The following SCG5 variants were observed in gnomAD, a reference collection of about 807,000 sequenced individuals.
The protein encoded by SCG5 is neuroendocrine protein 7B2.
Under a neutral mutation model 25.7 loss-of-function variants are expected in SCG5, and 18 were observed. That is an observed-to-expected ratio of 0.70 (90% CI 0.48 to 1.04). SCG5 has a LOEUF of 1.04. Among genes scored for constraint, SCG5 ranks in the 50% least tolerant of loss-of-function variants. The pLI, the probability that SCG5 is intolerant of heterozygous loss-of-function variation, is 0.00. For synonymous variants in SCG5, 101 were observed against 91.7 expected (o/e 1.10, Z -0.58); for missense variants, 206 against 259.8 (o/e 0.79, Z 1.42).
chr15:32,668,570 G>A (rs921206509), intron 2 of SCG5, among the ~76,000 whole-genome samples: 12 of 152,216 alleles, frequency 7.9e-5, no homozygotes, highest in Non-Finnish European at 1.6e-4. Flanking sequence ...TGGGCACAGC[G>A]CTGCCAGGCC....
At chr15:32,680,443 C>T (rs558909107) in intron 3 of SCG5, among the ~76,000 whole-genome samples, 1 of 152,122 alleles carries the variant, frequency 6.6e-6, no homozygotes, top group African/African-American at 2.4e-5. Flanking sequence ...CATGATCCAC[C>T]CTCCTCGGCC....
chr15:32,646,066 C>A (rs1036810372), intron 2 of SCG5, among the ~76,000 whole-genome samples: 1 of 152,146 alleles, frequency 6.6e-6, no homozygotes, highest in Non-Finnish European at 1.5e-5. Context: ...CCGCCTGCCT[C>A]GGCCTCCCAG....
chr15:32,684,576 A>G lies in SCG5; in HGVS notation c.396A>G (p.Glu132=), dbSNP rs1405724491. 6.2e-7 allele frequency: 1 copy of G among 1,613,108 alleles called. No homozygotes were observed. Among genetic ancestry groups the G allele is most frequent in the Non-Finnish European group, 8.5e-7 (1 of 1,179,334 alleles). Reference sequence around the variant, plus strand: ...TTGCAGCAGATGATGGATGTCTAGAAAACACCCCTGACACTGCAGAGTTCA... The same window carrying G: ...TTGCAGCAGATGATGGATGTCTAGAGAACACCCCTGACACTGCAGAGTTCA... ...VGKTADDGCL[E]NTPDTAEFSR... The change falls in exon 4 of 6, where the codon GAA becomes GAG. Residue 132 remains glutamate, a synonymous_variant. Transcript: ENST00000300175.
At position 32,657,209 on chromosome 15, in the gene SCG5, A is replaced by ATATATATATATATATATATATATATG; in HGVS notation, c.226+13394_226+13395insATATATATATATATATATATATGTAT. Among the ~76,000 whole-genome samples the ATATATATATATATATATATATATATG allele has an allele frequency of 6.0e-3, 231 of 38,686 alleles. 60 individuals carry two copies. The highest frequency in any genetic ancestry group is 0.02 in the South Asian group (15 of 764). The allele number at this position is 38,686 out of a possible 152,430, so 25.4% of individuals were successfully genotyped here. A position where few individuals can be genotyped will look rare whatever the true frequency, so the allele number is the denominator to read the frequency against. On this transcript the variant is annotated intron_variant, in intron 2 of 5. Coordinates refer to ENST00000300175, the MANE Select transcript of SCG5 (RefSeq NM_001144757.3). ...TTCTTTCATCCTCCTGTATATATATATATGTATGTATTTCCAGGTGTAAGT... is the reference window on the plus strand; with the variant it reads ...TTCTTTCATCCTCCTGTATATATATATATATATATATATATATATATATATGTATGTATGTATTTCCAGGTGTAAGT...
chr15:32,665,178 C>G (rs531054614), intron 2 of SCG5, among the ~76,000 whole-genome samples: 1 of 152,302 alleles, frequency 6.6e-6, no homozygotes, highest in South Asian at 2.1e-4. Context: ...ATTTATCCAT[C>G]AGGGCCACAT....
intron 4 of SCG5, among the ~76,000 whole-genome samples, chr15:32,691,197 T>C (rs189110674): frequency 5.9e-5 from 9 of 152,312 alleles, no homozygotes; most frequent in African/African-American, 2.2e-4. Context: ...AAAAATGTTA[T>C]AGACCAAATG....
chr15:32,657,742 T>C (rs1389248086), intron 2 of SCG5, among the ~76,000 whole-genome samples: 2 of 152,208 alleles, frequency 1.3e-5, no homozygotes, highest in Non-Finnish European at 2.9e-5. Context: ...TATCAAAATA[T>C]TATCTAATAC....
intron 2 of SCG5, among the ~76,000 whole-genome samples, chr15:32,677,110 G>T (rs1050002014): frequency 6.6e-6 from 1 of 152,078 alleles, no homozygotes. Flanking sequence ...GTTTACAAAA[G>T]AAATAGCATT....
chr15:32,662,112 A>G (rs1485298458), intron 2 of SCG5, among the ~76,000 whole-genome samples: 1 of 152,240 alleles, frequency 6.6e-6, no homozygotes, highest in African/African-American at 2.4e-5. Context: ...ATGGCCATTT[A>G]GAGTTTTTCC....
At chr15:32,670,657 T>C (rs2054404651) in intron 2 of SCG5, among the ~76,000 whole-genome samples, 1 of 152,256 alleles carries the variant, frequency 6.6e-6, no homozygotes. Context: ...CCGCTAGTGC[T>C]CATGATCTCT....
intron 4 of SCG5, among the ~76,000 whole-genome samples, chr15:32,687,520 T>C (rs540452882): frequency 3.9e-5 from 6 of 152,342 alleles, no homozygotes; most frequent in African/African-American, 1.4e-4. Context: ...AAGTGGGAAT[T>C]GAGTATGTCT....
intron 2 of SCG5, among the ~76,000 whole-genome samples, chr15:32,665,279 A>G (rs772457838): frequency 1.3e-5 from 2 of 151,900 alleles, no homozygotes; most frequent in African/African-American, 4.8e-5. Flanking sequence ...ATTTTTTTCT[A>G]TTTTTATTTT....
intron 2 of SCG5, among the ~76,000 whole-genome samples, chr15:32,667,048 T>G (rs944870764): frequency 1.3e-5 from 2 of 152,234 alleles, no homozygotes; most frequent in Non-Finnish European, 2.9e-5. Flanking sequence ...AAAAGTCTCT[T>G]TGGCAATTCT....
rs574572784 is a variant in SCG5 at position 32,654,888 on chromosome 15, C to A, written c.226+11070C>A. On this transcript the variant is annotated intron_variant, in intron 2 of 5. Coordinates refer to ENST00000300175, the MANE Select transcript of SCG5 (RefSeq NM_001144757.3). Reference sequence around the variant, plus strand: ...CAAGTGGGACTCGTGTTATTCCAGTCAAGATTATCCAGCCTTCGCAACATG... The same window carrying A: ...CAAGTGGGACTCGTGTTATTCCAGTAAAGATTATCCAGCCTTCGCAACATG... Among the ~76,000 whole-genome samples the A allele has an allele frequency of 1.2e-4, 19 of 152,190 alleles. 1 individual carries two copies. Among genetic ancestry groups the A allele is most frequent in the Non-Finnish European group, 2.4e-4 (16 of 68,040 alleles).
chr15:32,659,502 T>C (rs979204058), intron 2 of SCG5, among the ~76,000 whole-genome samples: 3 of 152,142 alleles, frequency 2.0e-5, no homozygotes, highest in East Asian at 1.9e-4. Context: ...AAAATAACCA[T>C]AGCAATAGGC....
intron 1 of SCG5, among the ~76,000 whole-genome samples, 186 bp downstream of exon 1, chr15:32,641,964 AGTT>A (rs538833884): frequency 3.3e-4 from 50 of 152,248 alleles, no homozygotes; most frequent in African/African-American, 1.2e-3. Context: ...GAGATTGTGT[AGTT>A]CATCAAATCA....
chr15:32,664,943 A>G (rs1375566632), intron 2 of SCG5, among the ~76,000 whole-genome samples: 1 of 152,244 alleles, frequency 6.6e-6, no homozygotes, highest in African/African-American at 2.4e-5. Flanking sequence ...CAGGGTGCCT[A>G]TGGGAGCCCA....
At chr15:32,669,651 C>T (rs927608276) in intron 2 of SCG5, among the ~76,000 whole-genome samples, 13 of 152,130 alleles carry the variant, frequency 8.5e-5, no homozygotes, top group Non-Finnish European at 1.6e-4. Flanking sequence ...GCTAAAAGTG[C>T]TATTGCAAAT....
chr15:32,654,426 TC>T (rs2054081661), intron 2 of SCG5, among the ~76,000 whole-genome samples: 1 of 152,166 alleles, frequency 6.6e-6, no homozygotes, highest in South Asian at 2.1e-4. Flanking sequence ...ACACAAACAT[TC>T]CATCCATAGC....
Sources: gnomAD v4.1 joint callset for allele counts (sites outside exome capture counted in the v4.1 genomes callset) on GRCh38, gnomAD v4.1.1 for gene constraint, MANE v1.5 for transcripts, NCBI Gene and HGNC (gene_info 2026-07-23, HGNC 2026-07-21) for gene names.